The following TXLNB variants were observed in gnomAD, a reference collection of about 807,000 sequenced individuals.
TXLNB encodes beta-taxilin.
In TXLNB, 37 loss-of-function variants were observed where a neutral mutation model predicts 57.4. That is an observed-to-expected ratio of 0.64 (90% confidence interval 0.50 to 0.85). The LOEUF (loss-of-function observed/expected upper bound fraction) is 0.85, where lower values mean the gene tolerates loss of function less well. Among genes scored for constraint, TXLNB ranks in the 40% least tolerant of loss-of-function variants. The pLI, the probability that TXLNB is intolerant of heterozygous loss-of-function variation, is 0.00. For synonymous variants in TXLNB, 302 were observed against 309.6 expected (o/e 0.98, Z 0.26); for missense variants, 848 against 825.6 (o/e 1.03, Z -0.33).
the TXLNB span, chr6:139,197,761 T>G: frequency 6.6e-6 from 1 of 152,128 alleles, no homozygotes; most frequent in African/African-American, 2.4e-5. Context: ...GGCTGAGAAG[T>G]CTAAGGTTAA....
At chr6:139,292,635 C>A (rs1777325687), upstream of TXLNB, among the ~76,000 whole-genome samples, 1 of 152,110 alleles carries the variant, frequency 6.6e-6, no homozygotes, top group South Asian at 2.1e-4. The surrounding 1 kb of genome is among the most constrained non-coding windows in gnomAD (Gnocchi z 4.0). Context: ...ATTGGTGTGA[C>A]CTTGGAGCAC....
upstream of TXLNB, chr6:139,292,143 G>T (rs1222775123): frequency 6.5e-6 from 1 of 153,332 alleles, no homozygotes; most frequent in Non-Finnish European, 1.5e-5. This position sits in a 1 kb window ranked among gnomAD's most constrained non-coding sequence, Gnocchi z 4.0. Context: ...CAGTCTGGAG[G>T]AGGTGGGGGT....
the TXLNB span, among the ~76,000 whole-genome samples, chr6:139,319,193 C>T: frequency 4.0e-5 from 6 of 151,748 alleles, no homozygotes; most frequent in South Asian, 4.2e-4. Context: ...CTGCCCGCCT[C>T]GGCCTCCTAA....
chr6:139,178,136 T>C, the TXLNB span: 41 of 152,220 alleles, frequency 2.7e-4, no homozygotes, highest in Middle Eastern at 6.3e-3. Context: ...TTTTACTATT[T>C]CTTTTAAAAG....
the TXLNB span, among the ~76,000 whole-genome samples, chr6:139,321,409 C>G: frequency 6.6e-6 from 1 of 152,174 alleles, no homozygotes; most frequent in Non-Finnish European, 1.5e-5. Flanking sequence ...TGACCAGATA[C>G]TGAATCTGCT....
At chr6:139,217,253 C>T in the TXLNB span, among the ~76,000 whole-genome samples, 1 of 152,104 alleles carries the variant, frequency 6.6e-6, no homozygotes, top group Non-Finnish European at 1.5e-5. Context: ...GAAAACCTCC[C>T]TTTTGACTGC....
chr6:139,181,122 T>C, the TXLNB span, among the ~76,000 whole-genome samples: 1 of 72,644 alleles, frequency 1.4e-5, no homozygotes, highest in African/African-American at 9.2e-5. Context: ...AAAGATTAGA[T>C]AGACCCCCAA....
At chr6:139,216,481 G>C in the TXLNB span, among the ~76,000 whole-genome samples, 3,316 of 113,272 alleles carry the variant, frequency 0.029, 135 homozygotes, top group African/African-American at 0.091. Flanking sequence ...GTTGTGGGGT[G>C]GGGGGAGGGG....
Position 139,290,255 on chromosome 6 carries a change from C to T in TXLNB, c.-14-1342G>A, listed in dbSNP as rs182473658. Reference sequence around the variant, plus strand: ...ATTAGCCAGGTGTGGTGGCGGGCACCGGTAGTCCCAGCTACTTGGGAGGCT... The same window carrying T: ...ATTAGCCAGGTGTGGTGGCGGGCACTGGTAGTCCCAGCTACTTGGGAGGCT... On this transcript the variant is annotated intron_variant, in intron 1 of 9. Coordinates refer to ENST00000358430, the MANE Select transcript of TXLNB (RefSeq NM_153235.4). Among the ~76,000 whole-genome samples, 185 of 152,176 alleles carry T rather than the reference C, an allele frequency of 1.2e-3. 1 individual carries two copies. The East Asian group carries it at 0.015, about 12-fold the overall frequency.
At position 139,247,848 on chromosome 6, in the gene TXLNB, A is replaced by AC; in HGVS notation, c.1138dup (p.Val380GlyfsTer14). On this transcript the variant is annotated frameshift_variant, in exon 8 of 10. Transcript: ENST00000358430. LOFTEE classifies it high-confidence loss of function. ...CATTTCCTGTTTGAACGTGGCAAACACCTCGTTGCTTTTAGTTAGTGTGCT... is the reference window on the plus strand; with the variant it reads ...CATTTCCTGTTTGAACGTGGCAAACACCCTCGTTGCTTTTAGTTAGTGTGCT... The AC allele has an allele frequency of 6.2e-7, 1 of 1,605,956 alleles. No individual in the cohort carries two copies. Among genetic ancestry groups the AC allele is most frequent in the Non-Finnish European group, 8.5e-7 (1 of 1,176,110 alleles).
the TXLNB span, among the ~76,000 whole-genome samples, chr6:139,230,946 A>C: frequency 0.021 from 3,136 of 152,320 alleles, 100 homozygotes; most frequent in African/African-American, 0.071. Context: ...ACTTGCATAT[A>C]ACCATCACCC....
At chr6:139,294,200 GA>G (rs1371387602), upstream of TXLNB, among the ~76,000 whole-genome samples, 1 of 152,140 alleles carries the variant, frequency 6.6e-6, no homozygotes, top group East Asian at 1.9e-4. Context: ...TTATGTGACA[GA>G]TATTGTTTTG....
At chr6:139,255,894 T>C (rs1413116406) in intron 6 of TXLNB, among the ~76,000 whole-genome samples, 1 of 149,932 alleles carries the variant, frequency 6.7e-6, no homozygotes, top group Non-Finnish European at 1.5e-5. Flanking sequence ...CTGGGCTATA[T>C]AGGGAGACCT....
intron 3 of TXLNB, among the ~76,000 whole-genome samples, chr6:139,273,085 A>G (rs1463978510): frequency 2.0e-5 from 3 of 152,224 alleles, no homozygotes; most frequent in African/African-American, 7.2e-5. Flanking sequence ...TGTTATTATT[A>G]TTGCCATTCT....
the TXLNB span, among the ~76,000 whole-genome samples, chr6:139,181,450 A>G: frequency 1.3e-5 from 2 of 152,220 alleles, no homozygotes; most frequent in Non-Finnish European, 2.9e-5. Flanking sequence ...CAGTGGATCC[A>G]TGCTGTAGAC....
the TXLNB span, among the ~76,000 whole-genome samples, chr6:139,310,788 G>A: frequency 3.3e-5 from 5 of 152,210 alleles, no homozygotes; most frequent in Admixed American, 6.5e-5. Flanking sequence ...TCCGCCTCCC[G>A]GATTCAAGTG....
the TXLNB span, among the ~76,000 whole-genome samples, chr6:139,320,944 G>A: frequency 6.6e-6 from 1 of 152,178 alleles, no homozygotes; most frequent in Non-Finnish European, 1.5e-5. Context: ...TAAGGCAACT[G>A]TGAAGATGAA....
At chr6:139,271,864 T>C (rs749377307) in intron 3 of TXLNB, 2 of 152,308 alleles carry the variant, frequency 1.3e-5, no homozygotes, top group Non-Finnish European at 2.9e-5. Context: ...GTCAGGTAAG[T>C]ACTAGTCCTA....
the TXLNB span, among the ~76,000 whole-genome samples, chr6:139,303,897 C>T: frequency 2.7e-4 from 39 of 142,574 alleles, no homozygotes; most frequent in African/African-American, 9.3e-4. Flanking sequence ...ACTAAGGATT[C>T]TTAAGAGAAA....
Sources: gnomAD v4.1 joint callset for allele counts (sites outside exome capture counted in the v4.1 genomes callset) on GRCh38, gnomAD v4.1.1 for gene constraint, Gnocchi (gnomAD v3.1) non-coding constraint, MANE v1.5 for transcripts, NCBI Gene and HGNC (gene_info 2026-07-23, HGNC 2026-07-21) for gene names.